HDAC9: variants seen among roughly 807,000 people sequenced by gnomAD.
HDAC9 encodes the protein histone deacetylase 9.
A neutral mutation model predicts 139.4 loss-of-function variants in HDAC9; 41 were observed. The ratio of observed to expected loss-of-function variants is 0.29; its 90% CI spans 0.23 to 0.38. The LOEUF (loss-of-function observed/expected upper bound fraction) is 0.38. Among genes scored for constraint, HDAC9 ranks in the 10% least tolerant of loss-of-function variants. The pLI is 1.00. For synonymous variants in HDAC9, 517 were observed against 476.2 expected, an observed-to-expected ratio of 1.09 and a Z score of -1.12; for missense variants, 1,147 against 1,297.0, an observed-to-expected ratio of 0.88 and a Z score of 1.78.
chr7:18,665,190 G>A (rs1347061639), intron 11 of HDAC9, among the ~76,000 whole-genome samples: 1 of 152,116 alleles, frequency 6.6e-6, no homozygotes, highest in African/African-American at 2.4e-5. Flanking sequence ...GTTTATGGTG[G>A]TAGTATTATA....
intron 1 of HDAC9, among the ~76,000 whole-genome samples, chr7:18,420,924 A>C (rs1287485696): frequency 6.6e-6 from 1 of 152,196 alleles, no homozygotes; most frequent in African/African-American, 2.4e-5. Context: ...CTGCCATGCA[A>C]AGATCTGCTG....
At chr7:18,621,207 C>A (rs1840118965) in intron 6 of HDAC9, among the ~76,000 whole-genome samples, 1 of 150,994 alleles carries the variant, frequency 6.6e-6, no homozygotes, top group African/African-American at 2.4e-5. Flanking sequence ...GGGAAAAGAC[C>A]CATAATATAT....
chr7:18,705,256 C>A lies in HDAC9; in HGVS notation c.1732-22324C>A, dbSNP rs536407538. 3.9e-5 allele frequency among the ~76,000 whole-genome samples: 6 copies of A among 152,236 alleles called. No homozygotes were observed. In the East Asian group the frequency reaches 1.2e-3, roughly 29 times the overall value. Reference sequence around the variant, plus strand: ...GCCCCTTGATTCCCCATTGCGGGAGCTCTTCTGTTCATTGTGGTATTTTAA... The same window carrying A: ...GCCCCTTGATTCCCCATTGCGGGAGATCTTCTGTTCATTGTGGTATTTTAA... On this transcript the variant is annotated intron_variant, in intron 12 of 25. Coordinates refer to ENST00000686413, the MANE Select transcript of HDAC9 (RefSeq NM_178425.4).
chr7:18,397,926 G>A (rs1486498887), intron 1 of HDAC9, among the ~76,000 whole-genome samples: 1 of 152,120 alleles, frequency 6.6e-6, no homozygotes, highest in East Asian at 1.9e-4. Context: ...GGTATTGTCT[G>A]TGTATTTCAT....
intron 1 of HDAC9, among the ~76,000 whole-genome samples, chr7:18,138,457 G>T (rs1436343216): frequency 6.6e-6 from 1 of 151,942 alleles, no homozygotes; most frequent in East Asian, 1.9e-4. Context: ...GTGGAATAGA[G>T]ATGAGAGGGA....
intron 12 of HDAC9, among the ~76,000 whole-genome samples, chr7:18,670,269 T>C (rs1446772767): frequency 2.6e-5 from 4 of 152,034 alleles, no homozygotes; most frequent in Non-Finnish European, 5.9e-5. Flanking sequence ...TTCATCTCTG[T>C]TTTAAGAAGA....
chr7:18,412,047 T>A lies in HDAC9; in HGVS notation c.-41-84215T>A, dbSNP rs565143833. Among the ~76,000 whole-genome samples the A allele has an allele frequency of 7.9e-5, 12 of 151,696 alleles. 1 individual carries two copies. The South Asian group carries it at 2.5e-3, about 32-fold the overall frequency. On this transcript the variant is annotated intron_variant, in intron 1 of 3. Transcript: ENST00000413509. ...TTCACTGTGTTGGCCAGGCTGGTCT[T>A]GAACTCCTGACCTCAAATGATCCGC...
At chr7:18,287,981 T>G (rs1797564856), upstream of HDAC9, among the ~76,000 whole-genome samples, 1 of 152,210 alleles carries the variant, frequency 6.6e-6, no homozygotes, top group African/African-American at 2.4e-5. Flanking sequence ...CAAAACTGGT[T>G]GCACATATAA....
intron 12 of HDAC9, chr7:18,667,708 T>A: frequency 1.0e-6 from 1 of 985,070 alleles, no homozygotes; most frequent in Non-Finnish European, 1.2e-6. Context: ...GGAAAAAAAA[T>A]CTGAGGATAG....
At chr7:18,667,495 A>G (rs1795160830) in intron 12 of HDAC9, 16 of 984,572 alleles carry the variant, frequency 1.6e-5, no homozygotes, top group Non-Finnish European at 1.9e-5. Flanking sequence ...ATTTACTTGT[A>G]TATAATGCAC....
rs145528103 is a variant in HDAC9 at position 18,891,888 on chromosome 7, G to A, written c.2803+17292G>A. ...ATGAATGGATTCATTCCCTCTGGGGGTGATCTATTTGATTAGATCCAGCTT... is the reference window on the plus strand; with the variant it reads ...ATGAATGGATTCATTCCCTCTGGGGATGATCTATTTGATTAGATCCAGCTT... On this transcript the variant is annotated intron_variant, in intron 22 of 25. Coordinates refer to ENST00000686413, the MANE Select transcript of HDAC9 (RefSeq NM_178425.4). Among the ~76,000 whole-genome samples, 267 of 152,226 alleles carry A rather than the reference G, an allele frequency of 1.8e-3. 1 individual carries two copies. The highest frequency in any genetic ancestry group is 2.8e-3 in the Non-Finnish European group (190 of 68,010).
rs568053939 is a variant in HDAC9, at chr7:18,481,173, T to A, written c.-41-15089T>A. 3.3e-5 allele frequency among the ~76,000 whole-genome samples: 5 copies of A among 152,308 alleles called. No individual in the cohort carries two copies. In the South Asian group the frequency reaches 1.0e-3, roughly 32 times the overall value. ...CCAACTTTTATCCCCACTTAACAAC[T>A]GTAAATATCAGTAATAATAATAATA... On this transcript the variant is annotated intron_variant, in intron 1 of 3. Coordinates refer to the HDAC9 transcript ENST00000413509.
intron 2 of HDAC9, among the ~76,000 whole-genome samples, chr7:18,165,641 AT>A (rs1330294011): frequency 6.6e-6 from 1 of 151,838 alleles, no homozygotes; most frequent in African/African-American, 2.4e-5. Flanking sequence ...TTTTTAAAAA[AT>A]TGCTTGGCAT....
chr7:18,865,033 C>G (rs781745944), intron 21 of HDAC9, among the ~76,000 whole-genome samples: 5 of 152,120 alleles, frequency 3.3e-5, no homozygotes, highest in Non-Finnish European at 7.4e-5. Flanking sequence ...TGACCAGAGA[C>G]TCATGGGTCA....
At chr7:18,584,015 C>CCAGTTTGGCAT (rs1482835265) in intron 2 of HDAC9, among the ~76,000 whole-genome samples, 2 of 152,086 alleles carry the variant, frequency 1.3e-5, no homozygotes, top group African/African-American at 4.8e-5. Flanking sequence ...TATTTAACAA[C>CCAGTTTGGCAT]CAGTTTGGCA....
upstream of HDAC9, among the ~76,000 whole-genome samples, chr7:18,287,140 A>T (rs774835777): frequency 3.3e-5 from 5 of 152,160 alleles, no homozygotes; most frequent in Non-Finnish European, 7.4e-5. Flanking sequence ...TTCTGAGTGT[A>T]TTTAAAGAGC....
intron 12 of HDAC9, among the ~76,000 whole-genome samples, chr7:18,689,160 C>A (rs934298422): frequency 6.6e-6 from 1 of 151,838 alleles, no homozygotes; most frequent in African/African-American, 2.4e-5. Flanking sequence ...TAGAGACTGG[C>A]CTAACCTTGG....
intron 21 of HDAC9, among the ~76,000 whole-genome samples, chr7:18,855,153 C>G (rs1281540855): frequency 6.6e-6 from 1 of 152,178 alleles, no homozygotes; most frequent in Admixed American, 6.5e-5. Flanking sequence ...TAGGACATGT[C>G]TCTATCACAC....
chr7:18,564,966 TA>T (rs1554502602), intron 2 of HDAC9, among the ~76,000 whole-genome samples: 3 of 67,298 alleles, frequency 4.5e-5, no homozygotes, highest in Non-Finnish European at 7.9e-5. Context: ...GTATTTTATT[TA>T]TTTATTTATT....
Sources: gnomAD v4.1 joint callset for allele counts (sites outside exome capture counted in the v4.1 genomes callset) on GRCh38, gnomAD v4.1.1 for gene constraint, MANE v1.5 for transcripts, NCBI Gene and HGNC (gene_info 2026-07-23, HGNC 2026-07-21) for gene names.